The following ABITRAM variants were observed in gnomAD, a reference collection of about 807,000 sequenced individuals.
ABITRAM encodes actin binding transcription modulator.
A neutral mutation model predicts 22.9 loss-of-function variants in ABITRAM; 19 were observed. The observed-to-expected ratio is 0.83, with a 90% CI of 0.58 to 1.22. The LOEUF is 1.22. ABITRAM is among the 50% of genes most tolerant of loss of function. ABITRAM has a pLI of 0.00. For synonymous variants in ABITRAM, 70 were observed against 73.9 expected (o/e 0.95, Z 0.27); for missense variants, 215 against 220.2 (o/e 0.98, Z 0.15).
downstream of ABITRAM, chr9:108,943,559 T>G (rs1830309949): frequency 1.5e-6 from 1 of 659,978 alleles, no homozygotes. Context: ...GTTATGAGAG[T>G]AGATAATAAA....
intron 3 of ABITRAM, among the ~76,000 whole-genome samples, chr9:108,948,850 G>A (rs557259304): frequency 1.3e-5 from 2 of 152,092 alleles, no homozygotes; most frequent in East Asian, 3.9e-4. Context: ...GAAGAGCAAT[G>A]GACTAGGGAT....
Position 108,934,477 on chromosome 9 carries a change from G to C in ABITRAM, c.-10G>C. 6.3e-6 allele frequency: 10 copies of C among 1,595,810 alleles called. No homozygotes were observed. The highest frequency in any genetic ancestry group is 8.5e-6 in the Non-Finnish European group (10 of 1,172,736). On this transcript the variant is annotated 5_prime_UTR_variant, in exon 1 of 6. Transcript: ENST00000322940. ...CCCGGAGGGCGGGGGTGGCGGCGCC[G>C]GAGGTCGCCATGGCTACCGAGCCCG...
At chr9:108,948,891 C>T (rs542798573) in intron 3 of ABITRAM, among the ~76,000 whole-genome samples, 11 of 152,202 alleles carry the variant, frequency 7.2e-5, no homozygotes, top group African/African-American at 2.6e-4. Context: ...TAGTAGCAAC[C>T]AGTTCTGCCA....
At chr9:108,943,154 A>G, downstream of ABITRAM, 1 of 996,688 alleles carries the variant, frequency 1.0e-6, no homozygotes, top group African/African-American at 1.6e-5. Context: ...AATCTAAGGG[A>G]TCTTGAAAGA....
At chr9:108,936,221 C>A in intron 2 of ABITRAM, 87 bp from the exon 3 acceptor site, 1 of 1,433,260 alleles carries the variant, frequency 7.0e-7, no homozygotes, top group Non-Finnish European at 9.5e-7. Context: ...AAACAAATAC[C>A]AGTTCATACA....
At position 108,934,444 on chromosome 9, in the gene ABITRAM, G is replaced by A. The variant is rs374860095; in HGVS notation, c.-43G>A. 1.0e-5 allele frequency: 16 copies of A among 1,548,434 alleles called. No individual in the cohort carries two copies. Among genetic ancestry groups the A allele is most frequent in the Admixed American group, 5.7e-5 (3 of 52,776 alleles). ...CCAGTCCGGGCTGCGCGGAGGAAGCGCTGGGGTCCCGGAGGGCGGGGGTGG... is the reference window on the plus strand; with the variant it reads ...CCAGTCCGGGCTGCGCGGAGGAAGCACTGGGGTCCCGGAGGGCGGGGGTGG... On this transcript the variant is annotated 5_prime_UTR_variant, in exon 1 of 6. Coordinates refer to ENST00000322940, the MANE Select transcript of ABITRAM (RefSeq NM_017832.4).
chr9:108,939,833 C>A lies in ABITRAM; in HGVS notation c.*147C>A. ...GGCCTAGTGCTTCACTTAGTTTTCC[C>A]TCTCTGTCTTCATAATGAGCCTTGG... is the stretch of plus-strand genomic sequence containing the variant. On this transcript the variant is annotated 3_prime_UTR_variant, in exon 6 of 6. Transcript: ENST00000322940. 1 of 906,324 alleles carries A rather than the reference C, an allele frequency of 1.1e-6. No homozygotes were observed. Among genetic ancestry groups the A allele is most frequent in the Non-Finnish European group, 1.6e-6 (1 of 611,772 alleles). 56.1% of individuals were successfully genotyped at this position (906,324 alleles called of 1,614,324 possible).
At chr9:108,946,384 A>G (rs575972738) in intron 3 of ABITRAM, among the ~76,000 whole-genome samples, 2 of 151,586 alleles carry the variant, frequency 1.3e-5, no homozygotes, top group Non-Finnish European at 2.9e-5. Flanking sequence ...ACTCCCATCA[A>G]TAATTGCCTC....
At chr9:108,942,857 G>A (rs1014972360), downstream of ABITRAM, 5 of 1,612,788 alleles carry the variant, frequency 3.1e-6, no homozygotes, top group Non-Finnish European at 3.4e-6. Flanking sequence ...AAGACAATTA[G>A]TATCTGGTTT....
chr9:108,948,383 G>T, intron 3 of ABITRAM: 1 of 606,542 alleles, frequency 1.6e-6, no homozygotes, highest in Non-Finnish European at 2.6e-6. Context: ...GTAACTTTAT[G>T]CTTAAAGCAA....
At position 108,940,436 on chromosome 9, in the gene ABITRAM, C is replaced by G. The variant is rs1830241485; in HGVS notation, c.*750C>G. 6.6e-6 allele frequency: 1 copy of G among 152,164 alleles called. No homozygotes were observed. The highest frequency in any genetic ancestry group is 1.5e-5 in the Non-Finnish European group (1 of 68,030). The allele number at this position is 152,164 out of a possible 1,614,324, so 9.4% of individuals were successfully genotyped here. ...CTTCTATAATGTGCCTACCAAAAAG[C>G]CTAGTCCTAGCCCATCTGCCTCAAC... On this transcript the variant is annotated 3_prime_UTR_variant, in exon 6 of 6. Coordinates refer to ENST00000322940, the MANE Select transcript of ABITRAM (RefSeq NM_017832.4).
In ABITRAM at chr9:108,934,451, T is replaced by C. The variant is rs1830130280; in HGVS notation, c.-36T>C. The C allele has an allele frequency of 1.3e-6, 2 of 1,531,020 alleles. No individual in the cohort carries two copies. Among genetic ancestry groups the C allele is most frequent in the African/African-American group, 1.5e-5 (1 of 67,534 alleles). 94.8% of individuals were successfully genotyped at this position (1,531,020 alleles called of 1,614,324 possible). On this transcript the variant is annotated 5_prime_UTR_variant, in exon 1 of 6. Coordinates refer to ENST00000322940, the MANE Select transcript of ABITRAM (RefSeq NM_017832.4). ...GGGCTGCGCGGAGGAAGCGCTGGGG[T>C]CCCGGAGGGCGGGGGTGGCGGCGCC...
chr9:108,948,646 G>C (rs1232080584), intron 3 of ABITRAM, among the ~76,000 whole-genome samples: 1 of 152,172 alleles, frequency 6.6e-6, no homozygotes, highest in African/African-American at 2.4e-5. Flanking sequence ...AATTCTGGTA[G>C]TAACTCAGTT....
rs749640256 is a variant in ABITRAM, at chr9:108,939,275, G to A, written c.338+3G>A. ...GGTGAAGAATATACTGTGTCTAGGT[G>A]AGTAACTTTTTAGCCACCATTTAGG... On this transcript the variant is annotated splice_donor_region_variant and intron_variant, in intron 4 of 5. Transcript: ENST00000322940. The A allele has an allele frequency of 2.5e-6, 4 of 1,610,346 alleles. No individual in the cohort carries two copies. In the Admixed American group the frequency reaches 6.8e-5, roughly 27 times the overall value.
intron 3 of ABITRAM, among the ~76,000 whole-genome samples, chr9:108,936,663 T>G (rs563994567): frequency 2.6e-5 from 4 of 152,246 alleles, no homozygotes; most frequent in Admixed American, 2.0e-4. Flanking sequence ...CTACTATCCC[T>G]ATAATGCCCA....
At chr9:108,938,624 A>ATGTTTT (rs1212762507) in intron 3 of ABITRAM, among the ~76,000 whole-genome samples, 5 of 138,408 alleles carry the variant, frequency 3.6e-5, no homozygotes, top group African/African-American at 1.1e-4. Flanking sequence ...CTCAAAGTGC[A>ATGTTTT]TGTTTTTGTT....
chr9:108,950,287 G>A (rs1334821438), intron 3 of ABITRAM, among the ~76,000 whole-genome samples: 1 of 152,094 alleles, frequency 6.6e-6, no homozygotes, highest in East Asian at 1.9e-4. Context: ...TTAGAGGCCT[G>A]GGCCATCAGA....
downstream of ABITRAM, chr9:108,943,979 G>C: frequency 6.2e-7 from 1 of 1,613,712 alleles, no homozygotes; most frequent in Non-Finnish European, 8.5e-7. Flanking sequence ...GAAAAAGCTT[G>C]AACACTGGAA....
intron 2 of ABITRAM, chr9:108,935,914 AAT>A: frequency 1.8e-6 from 1 of 552,948 alleles, no homozygotes; most frequent in Non-Finnish European, 3.2e-6. Context: ...CAAACATCCA[AAT>A]GGAGGACCAC....
Sources: gnomAD v4.1 joint callset for allele counts (sites outside exome capture counted in the v4.1 genomes callset) on GRCh38, gnomAD v4.1.1 for gene constraint, MANE v1.5 for transcripts, NCBI Gene and HGNC (gene_info 2026-07-23, HGNC 2026-07-21) for gene names.